The following ANKS1B variants were observed in gnomAD, a reference collection of about 807,000 sequenced individuals.
ANKS1B encodes ankyrin repeat and sterile alpha motif domain-containing protein 1B.
In ANKS1B, 36 loss-of-function variants were observed where a neutral mutation model predicts 148.3. The ratio of observed to expected loss-of-function variants is 0.24; its 90% confidence interval spans 0.19 to 0.32. The LOEUF is 0.32. ANKS1B is among the 10% of genes least tolerant of loss of function. The pLI, the probability that ANKS1B is intolerant of heterozygous loss-of-function variation, is 1.00. For missense variants in ANKS1B, 1,157 were observed against 1,542.6 expected, an observed-to-expected ratio of 0.75 and a Z score of 4.19; for synonymous variants, 542 against 560.8, an observed-to-expected ratio of 0.97 and a Z score of 0.47.
In ANKS1B at chr12:99,008,462, T is replaced by C. The variant is rs570774085; in HGVS notation, c.2778+44695A>G. Among the ~76,000 whole-genome samples, 5 of 152,314 alleles carry C rather than the reference T, an allele frequency of 3.3e-5. No individual in the cohort carries two copies. In the East Asian group the frequency reaches 9.7e-4, roughly 29 times the overall value. On this transcript the variant is annotated intron_variant, in intron 17 of 26. Transcript: ENST00000683438. ...ATTATAAGATAGGGAACAATTTTAG[T>C]TTCCTGAGCATTTTGGTTGTATTAC...
chr12:99,369,661 T>C (rs144116677), intron 12 of ANKS1B, among the ~76,000 whole-genome samples: 140 of 152,146 alleles, frequency 9.2e-4, no homozygotes, highest in African/African-American at 3.2e-3. Flanking sequence ...TATTTAGGAG[T>C]AACATTATCT....
intron 12 of ANKS1B, among the ~76,000 whole-genome samples, chr12:99,345,993 GGGCTACT>G (rs1362698180): frequency 6.6e-6 from 1 of 151,872 alleles, no homozygotes; most frequent in Non-Finnish European, 1.5e-5. Flanking sequence ...TTGTAAAATT[GGGCTACT>G]GGCATTATTT....
chr12:98,881,122 C>T (rs1455892093), intron 17 of ANKS1B, among the ~76,000 whole-genome samples: 4 of 152,018 alleles, frequency 2.6e-5, no homozygotes, highest in Non-Finnish European at 5.9e-5. Context: ...GAGAAAACCC[C>T]CAAAGAGCTA....
intron 10 of ANKS1B, among the ~76,000 whole-genome samples, chr12:99,464,246 GA>G (rs1287033090): frequency 6.6e-6 from 1 of 152,158 alleles, no homozygotes; most frequent in Non-Finnish European, 1.5e-5. Flanking sequence ...CTGTTAGAGG[GA>G]AAACTAACAA....
chr12:99,622,310 A>G (rs1345875212), intron 9 of ANKS1B, among the ~76,000 whole-genome samples: 2 of 152,000 alleles, frequency 1.3e-5, no homozygotes, highest in African/African-American at 4.8e-5. Context: ...CAAATTAACA[A>G]TGTAATATCA....
chr12:99,044,353 T>G (rs1198797013), intron 17 of ANKS1B, among the ~76,000 whole-genome samples: 2 of 148,868 alleles, frequency 1.3e-5, no homozygotes, highest in African/African-American at 5.0e-5. Context: ...TAATTCACCC[T>G]GACAGTTGTT....
At chr12:99,194,241 A>G (rs1010404340) in intron 14 of ANKS1B, among the ~76,000 whole-genome samples, 1 of 152,130 alleles carries the variant, frequency 6.6e-6, no homozygotes, top group Admixed American at 6.5e-5. Flanking sequence ...TTGCATAAAC[A>G]TATGAATACA....
chr12:98,828,546 C>T (rs1249294408), intron 19 of ANKS1B, among the ~76,000 whole-genome samples: 1 of 152,200 alleles, frequency 6.6e-6, no homozygotes, highest in Non-Finnish European at 1.5e-5. Context: ...TTAAGAACAG[C>T]GCCACTGTTC....
Position 98,829,440 on chromosome 12 carries a change from G to GTCT in ANKS1B, c.2887-88_2887-87insAGA. On this transcript the variant is annotated intron_variant, in intron 18 of 26. Coordinates refer to ENST00000683438, the MANE Select transcript of ANKS1B (RefSeq NM_001352186.2). This position sits in a 1 kb window ranked among gnomAD's most constrained non-coding sequence, Gnocchi z 5.2. ...TTGTGAAATACTGACAAGACAAACT[G>GTCT]TGGGGGTGGGGAGTCGCTTTTGAAG... is the stretch of plus-strand genomic sequence containing the variant. The GTCT allele has an allele frequency of 7.4e-7, 1 of 1,346,280 alleles. No homozygotes were observed. The highest frequency in any genetic ancestry group is 1.0e-6 in the Non-Finnish European group (1 of 984,048). 83.4% of individuals were successfully genotyped at this position (1,346,280 alleles called of 1,614,324 possible).
intron 17 of ANKS1B, among the ~76,000 whole-genome samples, chr12:98,841,494 C>G (rs2099405612): frequency 6.6e-6 from 1 of 152,120 alleles, no homozygotes; most frequent in Admixed American, 6.5e-5. Flanking sequence ...TTCAATCCAG[C>G]CAATTCTGTT....
At chr12:99,367,958 G>A (rs1176418218) in intron 12 of ANKS1B, among the ~76,000 whole-genome samples, 1 of 152,072 alleles carries the variant, frequency 6.6e-6, no homozygotes, top group Non-Finnish European at 1.5e-5. Context: ...TTTTACAAAT[G>A]AAAATAGAAA....
chr12:99,027,461 T>A (rs1051572420), intron 17 of ANKS1B, among the ~76,000 whole-genome samples: 3 of 152,204 alleles, frequency 2.0e-5, no homozygotes, highest in Admixed American at 1.3e-4. Flanking sequence ...GTACCCAAAC[T>A]CTTCATTTTC....
chr12:98,975,779 A>G (rs941148932), intron 17 of ANKS1B, among the ~76,000 whole-genome samples: 7 of 152,260 alleles, frequency 4.6e-5, no homozygotes, highest in African/African-American at 1.7e-4. Flanking sequence ...GTGAACACAC[A>G]CCTGCAGTGA....
intron 14 of ANKS1B, among the ~76,000 whole-genome samples, chr12:99,232,721 C>T (rs1295833697): frequency 6.6e-6 from 1 of 152,080 alleles, no homozygotes; most frequent in Non-Finnish European, 1.5e-5. Context: ...GAAAAGATTC[C>T]ACATGAAAGC....
In ANKS1B at chr12:99,401,466, T is replaced by C. The variant is rs995128813; in HGVS notation, c.1576-1655A>G. On this transcript the variant is annotated intron_variant, in intron 11 of 26. Transcript: ENST00000683438. ...TATAAAGGTCAAGCCAAATGATATA[T>C]ATGATTCCCCCATTTCTAATTGTTT... Among the ~76,000 whole-genome samples, 48 of 146,530 alleles carry C rather than the reference T, an allele frequency of 3.3e-4. 3 individuals are homozygous for C. The highest frequency in any genetic ancestry group is 1.8e-3 in the Admixed American group (26 of 14,728).
chr12:99,476,537 G>C (rs778273089), intron 10 of ANKS1B, among the ~76,000 whole-genome samples: 27 of 152,028 alleles, frequency 1.8e-4, no homozygotes, highest in Admixed American at 5.2e-4. Flanking sequence ...GTATAAAATT[G>C]GGCAATTTAT....
chr12:99,380,291 A>G (rs2093585166), intron 12 of ANKS1B, among the ~76,000 whole-genome samples: 1 of 152,260 alleles, frequency 6.6e-6, no homozygotes, highest in Admixed American at 6.5e-5. Context: ...TATAAAAGTA[A>G]GCACATAGAA....
intron 1 of ANKS1B, among the ~76,000 whole-genome samples, chr12:99,965,033 T>G (rs949832308): frequency 3.3e-5 from 5 of 152,132 alleles, no homozygotes; most frequent in Admixed American, 3.3e-4. Flanking sequence ...TGTAAATATG[T>G]GTACACAGTG....
intron 12 of ANKS1B, among the ~76,000 whole-genome samples, chr12:99,317,024 T>A (rs1355080927): frequency 6.6e-6 from 1 of 152,094 alleles, no homozygotes; most frequent in African/African-American, 2.4e-5. Context: ...GTTCCATTGG[T>A]CTGTGTGTGT....
Sources: gnomAD v4.1 joint callset for allele counts (sites outside exome capture counted in the v4.1 genomes callset) on GRCh38, gnomAD v4.1.1 for gene constraint, Gnocchi (gnomAD v3.1) non-coding constraint, MANE v1.5 for transcripts, NCBI Gene and HGNC (gene_info 2026-07-23, HGNC 2026-07-21) for gene names.